TLR1: variants seen among roughly 807,000 people sequenced by gnomAD.
TLR1 encodes the protein toll like receptor 1.
TLR1 carries 19 observed loss-of-function variants against 20.2 expected under a neutral mutation model. The observed-to-expected ratio is 0.94, with a 90% CI of 0.66 to 1.38. The LOEUF is 1.38. Ranked by LOEUF, TLR1 falls within the 40% of genes most tolerant of loss-of-function variation. The pLI, the probability that TLR1 is intolerant of heterozygous loss-of-function variation, is 0.00. For missense variants in TLR1, 921 were observed against 910.0 expected (o/e 1.01, Z -0.16); for synonymous variants, 320 against 334.5 (o/e 0.96, Z 0.47).
chr4:38,795,127 T>A (rs1257045346), downstream of TLR1, among the ~76,000 whole-genome samples: 2 of 152,190 alleles, frequency 1.3e-5, no homozygotes, highest in African/African-American at 4.8e-5. Context: ...CCTCATTTTT[T>A]AACCCAAGAA....
At position 38,798,673 on chromosome 4, in the gene TLR1, C is replaced by A. The variant is rs55851227; in HGVS notation, c.159G>T (p.Ser53=). Residue 53 remains serine (S), a synonymous_variant, in exon 4 of 4, where the codon TCG becomes TCT. Coordinates refer to ENST00000308979, the MANE Select transcript of TLR1 (RefSeq NM_003263.4). The stretch of plus-strand genomic sequence containing the variant: ...TCCAAAGCTCAGATATATAATTTTG[C>A]GATATATTTAAGATTGTTGTTTTCT... The part of the protein sequence containing the change: ...LSQKTTILNI[S]QNYISELWTS... 56 of 1,613,854 alleles carry A rather than the reference C, an allele frequency of 3.5e-5. No individual in the cohort carries two copies. The South Asian group carries it at 6.0e-4, about 17-fold the overall frequency.
At chr4:38,790,244 T>C (rs528628798), downstream of TLR1, among the ~76,000 whole-genome samples, 2 of 152,212 alleles carry the variant, frequency 1.3e-5, no homozygotes, top group Non-Finnish European at 2.9e-5. Context: ...TTATCTGTTA[T>C]AGTGGAATTC....
downstream of TLR1, among the ~76,000 whole-genome samples, chr4:38,788,868 T>C (rs1338167673): frequency 6.6e-6 from 1 of 151,956 alleles, no homozygotes; most frequent in African/African-American, 2.4e-5. Flanking sequence ...ATGAGCCAGG[T>C]GTAGTGGCAT....
At chr4:38,802,278 C>T (rs920425674) in intron 2 of TLR1, among the ~76,000 whole-genome samples, 1 of 147,546 alleles carries the variant, frequency 6.8e-6, no homozygotes, top group Non-Finnish European at 1.5e-5. Flanking sequence ...AGTCAGTCTC[C>T]TAATAGATAG....
At chr4:38,790,356 G>A (rs992943060), downstream of TLR1, among the ~76,000 whole-genome samples, 1 of 152,224 alleles carries the variant, frequency 6.6e-6, no homozygotes, top group Non-Finnish European at 1.5e-5. Context: ...TGGATATAAA[G>A]TTATATGTTG....
At chr4:38,795,476 T>C (rs1031575501), downstream of TLR1, among the ~76,000 whole-genome samples, 10 of 152,182 alleles carry the variant, frequency 6.6e-5, no homozygotes, top group African/African-American at 2.2e-4. Flanking sequence ...ATGCTATATA[T>C]AGAAGCACCG....
Position 38,797,641 on chromosome 4 carries a change from C to G in TLR1, c.1191G>C (p.Met397Ile), listed in dbSNP as rs776876375. 2 of 1,613,868 alleles carry G rather than the reference C, an allele frequency of 1.2e-6. No homozygotes were observed. The highest frequency in any genetic ancestry group is 1.7e-6 in the Non-Finnish European group (2 of 1,179,982). The change falls in exon 4 of 4, where the codon ATG (methionine) becomes ATC (isoleucine). Residue 397 changes from methionine to isoleucine, a missense_variant. Met to Ile is a conservative substitution (Grantham distance 10, BLOSUM62 1). Transcript: ENST00000308979. ...LSKIAEMTTQ[M>I]KSLQQLDISQ... ...TAATATCCAATTGTTGCAGAGACTT[C>G]ATCTGTGTAGTCATTTCAGCTATTT...
Sources: allele counts gnomAD v4.1 joint callset (sites outside exome capture counted in the v4.1 genomes callset), GRCh38; gene constraint gnomAD v4.1.1; transcripts MANE v1.5; gene names NCBI Gene and HGNC (gene_info 2026-07-23, HGNC 2026-07-21).